The following ARHGAP15 variants were observed in gnomAD, a reference collection of about 807,000 sequenced individuals.
ARHGAP15 encodes Rho GTPase activating protein 15.
In ARHGAP15, 51 loss-of-function variants were observed where a neutral mutation model predicts 63.7. The ratio of observed to expected loss-of-function variants is 0.80; its 90% CI spans 0.64 to 1.01. ARHGAP15 has a LOEUF of 1.01. Among genes scored for constraint, ARHGAP15 ranks in the 50% least tolerant of loss-of-function variants. ARHGAP15 has a pLI of 0.00. For synonymous variants in ARHGAP15, 191 were observed against 193.8 expected, an observed-to-expected ratio of 0.99 and a Z score of 0.12; for missense variants, 560 against 564.6, an observed-to-expected ratio of 0.99 and a Z score of 0.08.
intron 3 of ARHGAP15, among the ~76,000 whole-genome samples, chr2:143,215,018 G>A (rs1692694433): frequency 6.6e-6 from 1 of 152,136 alleles, no homozygotes; most frequent in Non-Finnish European, 1.5e-5. Flanking sequence ...TTGACTATTG[G>A]CACTACCAAA....
chr2:143,746,657 C>T (rs755851191), intron 13 of ARHGAP15, among the ~76,000 whole-genome samples: 17 of 152,280 alleles, frequency 1.1e-4, no homozygotes, highest in South Asian at 8.3e-4. Flanking sequence ...GGTAACATAT[C>T]ACCTAAATGC....
intron 6 of ARHGAP15, among the ~76,000 whole-genome samples, chr2:143,432,265 A>G (rs1689421555): frequency 6.6e-6 from 1 of 152,056 alleles, no homozygotes; most frequent in African/African-American, 2.4e-5. Flanking sequence ...ATGCCATTCT[A>G]CACATTAATT....
chr2:143,460,718 A>G (rs1236989584), intron 8 of ARHGAP15, among the ~76,000 whole-genome samples: 1 of 152,156 alleles, frequency 6.6e-6, no homozygotes, highest in Admixed American at 6.5e-5. Flanking sequence ...TGATGCTTTT[A>G]AACAACATGT....
At chr2:143,452,002 A>C (rs1178989340) in intron 8 of ARHGAP15, among the ~76,000 whole-genome samples, 1 of 151,988 alleles carries the variant, frequency 6.6e-6, no homozygotes, top group East Asian at 1.9e-4. Flanking sequence ...GACTTGTTAA[A>C]CTTTTTTAAT....
intron 11 of ARHGAP15, chr2:143,587,906 C>G: frequency 3.6e-6 from 1 of 275,004 alleles, no homozygotes; most frequent in East Asian, 8.7e-5. Context: ...GTTAGCACCT[C>G]AACTAACTGA....
intron 11 of ARHGAP15, among the ~76,000 whole-genome samples, chr2:143,583,075 C>T (rs567669032): frequency 9.9e-5 from 15 of 152,214 alleles, no homozygotes; most frequent in African/African-American, 2.4e-4. Context: ...ACTGGTCTCA[C>T]GTACAGCTGG....
intron 11 of ARHGAP15, among the ~76,000 whole-genome samples, chr2:143,585,964 A>G (rs1052836715): frequency 3.3e-5 from 5 of 152,148 alleles, no homozygotes; most frequent in Non-Finnish European, 5.9e-5. Flanking sequence ...AGAAAGAATC[A>G]TGGTTAGGCT....
At chr2:143,722,776 AG>A (rs1401120429) in intron 13 of ARHGAP15, among the ~76,000 whole-genome samples, 2 of 152,178 alleles carry the variant, frequency 1.3e-5, no homozygotes, top group East Asian at 3.9e-4. Context: ...AGAGGGAACC[AG>A]GATATAGGTG....
At chr2:143,613,488 C>T (rs1047851273) in intron 11 of ARHGAP15, among the ~76,000 whole-genome samples, 14 of 152,060 alleles carry the variant, frequency 9.2e-5, no homozygotes, top group Non-Finnish European at 1.5e-4. Context: ...TTGTAGCATC[C>T]GTAAAGTAGT....
At chr2:143,403,114 G>A (rs936293160) in intron 6 of ARHGAP15, among the ~76,000 whole-genome samples, 1 of 151,822 alleles carries the variant, frequency 6.6e-6, no homozygotes, top group African/African-American at 2.4e-5. Context: ...TTTAAATTCA[G>A]TTGGCTGAAA....
At chr2:143,205,798 C>T (rs554727326) in intron 3 of ARHGAP15, among the ~76,000 whole-genome samples, 1 of 152,046 alleles carries the variant, frequency 6.6e-6, no homozygotes, top group African/African-American at 2.4e-5. Flanking sequence ...CTCCCTGGCC[C>T]TTTGGATAAG....
intron 8 of ARHGAP15, among the ~76,000 whole-genome samples, chr2:143,486,435 G>A (rs1330851791): frequency 6.8e-6 from 1 of 147,074 alleles, no homozygotes; most frequent in African/African-American, 2.5e-5. Context: ...CTTTAGTCAG[G>A]TGTAGCCAGT....
intron 6 of ARHGAP15, among the ~76,000 whole-genome samples, chr2:143,327,908 CAAAAAA>C (rs201067319): frequency 6.9e-6 from 1 of 144,750 alleles, no homozygotes; most frequent in Non-Finnish European, 1.5e-5. Flanking sequence ...ATTTACAAGA[CAAAAAA>C]AAAAAATCCA....
At chr2:143,213,173 T>A (rs1692621776) in intron 3 of ARHGAP15, among the ~76,000 whole-genome samples, 1 of 152,100 alleles carries the variant, frequency 6.6e-6, no homozygotes, top group Non-Finnish European at 1.5e-5. Context: ...TGTTATTAAT[T>A]AAAAATGTGT....
intron 5 of ARHGAP15, among the ~76,000 whole-genome samples, chr2:143,245,698 C>T (rs761311294): frequency 2.8e-4 from 42 of 150,686 alleles, no homozygotes; most frequent in African/African-American, 7.6e-4. Context: ...GAAAGTAGAA[C>T]GAAATGTGAA....
At chr2:143,410,785 T>G (rs1688407515) in intron 6 of ARHGAP15, among the ~76,000 whole-genome samples, 1 of 150,510 alleles carries the variant, frequency 6.6e-6, no homozygotes, top group African/African-American at 2.4e-5. Context: ...AAAGGTGACA[T>G]TTGAGTAAAA....
chr2:143,280,333 T>C (rs766405173), intron 6 of ARHGAP15, among the ~76,000 whole-genome samples: 6 of 152,048 alleles, frequency 3.9e-5, no homozygotes, highest in Non-Finnish European at 8.8e-5. Context: ...GGGAGCACAG[T>C]GTCATTAGGG....
At chr2:143,346,264 A>T (rs9678706) in intron 6 of ARHGAP15, among the ~76,000 whole-genome samples, 2 of 150,752 alleles carry the variant, frequency 1.3e-5, no homozygotes, top group Non-Finnish European at 1.5e-5. Context: ...ACACACACAC[A>T]CACACACACA....
intron 6 of ARHGAP15, among the ~76,000 whole-genome samples, chr2:143,369,701 A>G (rs1324394102): frequency 6.6e-6 from 1 of 152,146 alleles, no homozygotes; most frequent in Non-Finnish European, 1.5e-5. Flanking sequence ...TATATAATCC[A>G]TTGTTATATA....
Sources: allele counts gnomAD v4.1 joint callset (sites outside exome capture counted in the v4.1 genomes callset), GRCh38; gene constraint gnomAD v4.1.1; transcripts MANE v1.5; gene names NCBI Gene and HGNC (gene_info 2026-07-23, HGNC 2026-07-21).